Variants in CHSY3 observed in about 807,000 individuals in gnomAD.
CHSY3 encodes the protein chondroitin sulfate synthase 3.
CHSY3 carries 35 observed loss-of-function variants against 67.2 expected under a neutral mutation model. The observed-to-expected ratio is 0.52, with a 90% CI of 0.40 to 0.69. CHSY3 has a LOEUF of 0.69. Among genes scored for constraint, CHSY3 ranks in the 30% least tolerant of loss-of-function variants. The probability of loss-of-function intolerance (pLI) is 0.00; values close to 1 mark genes in which losing one functional copy is unlikely to be tolerated. For synonymous variants in CHSY3, 474 were observed against 434.7 expected, an observed-to-expected ratio of 1.09 and a Z score of -1.12; for missense variants, 1,069 against 1,138.5, an observed-to-expected ratio of 0.94 and a Z score of 0.88.
At chr5:130,010,720 A>C (rs1764030226) in intron 2 of CHSY3, among the ~76,000 whole-genome samples, 1 of 152,176 alleles carries the variant, frequency 6.6e-6, no homozygotes, top group Admixed American at 6.5e-5. Context: ...AGAATATATA[A>C]GATTGATAGA....
chr5:130,158,783 A>AT (rs1010994919), intron 2 of CHSY3, among the ~76,000 whole-genome samples: 6 of 151,844 alleles, frequency 4.0e-5, no homozygotes, highest in African/African-American at 9.7e-5. Flanking sequence ...GGGAATTTCC[A>AT]TTTTTTTTAT....
At chr5:130,084,371 T>A (rs568762237) in intron 2 of CHSY3, among the ~76,000 whole-genome samples, 1 of 151,948 alleles carries the variant, frequency 6.6e-6, no homozygotes, top group African/African-American at 2.4e-5. Context: ...TGCAATTAGC[T>A]TGATTTGATC....
At chr5:129,924,777 A>G (rs1184847185) in intron 2 of CHSY3, among the ~76,000 whole-genome samples, 1 of 152,012 alleles carries the variant, frequency 6.6e-6, no homozygotes, top group South Asian at 2.1e-4. Context: ...GTTTTAAGAG[A>G]AGTGCATGCA....
intron 2 of CHSY3, among the ~76,000 whole-genome samples, chr5:129,959,093 A>T (rs4443454): frequency 0.32 from 49,018 of 151,840 alleles, 8,770 homozygotes; most frequent in Non-Finnish European, 0.42. Flanking sequence ...GAATTTGCAT[A>T]TTCATATATT....
At chr5:130,168,385 C>T (rs1769808082) in intron 2 of CHSY3, among the ~76,000 whole-genome samples, 1 of 152,066 alleles carries the variant, frequency 6.6e-6, no homozygotes, top group Non-Finnish European at 1.5e-5. Context: ...TTTCTCCCTG[C>T]TTGGATGACT....
chr5:130,077,186 A>G (rs1766294308), intron 2 of CHSY3, among the ~76,000 whole-genome samples: 1 of 152,118 alleles, frequency 6.6e-6, no homozygotes, highest in South Asian at 2.1e-4. Context: ...TGGAAGAGGC[A>G]TAAATGGTGC....
At position 130,185,467 on chromosome 5, in the gene CHSY3, G is replaced by C. The variant is rs1770390414; in HGVS notation, c.2325G>C (p.Trp775Cys). 1 of 1,613,980 alleles carries C rather than the reference G, an allele frequency of 6.2e-7. No individual in the cohort carries two copies. The highest frequency in any genetic ancestry group is 8.5e-7 in the Non-Finnish European group (1 of 1,179,980). Residue 775 changes from tryptophan to cysteine, a missense_variant, in exon 3 of 3, where the codon TGG becomes TGC. Transcript: ENST00000305031. ...YFIFSKKTGF[W>C]RDYGYGITCI... Reference sequence around the variant, plus strand: ...TATTCTCAAAAAAGACTGGATTTTGGAGAGACTATGGATATGGCATCACCT... The same window carrying C: ...TATTCTCAAAAAAGACTGGATTTTGCAGAGACTATGGATATGGCATCACCT...
intron 2 of CHSY3, among the ~76,000 whole-genome samples, chr5:130,180,477 TCCAAAAGTTAC>T (rs1770211362): frequency 6.6e-6 from 1 of 152,180 alleles, no homozygotes; most frequent in Non-Finnish European, 1.5e-5. Flanking sequence ...TTTCCATTGC[TCCAAAAGTTAC>T]CTTGTGCCTA....
intron 2 of CHSY3, among the ~76,000 whole-genome samples, chr5:130,061,689 A>T (rs939631053): frequency 1.3e-5 from 2 of 152,144 alleles, no homozygotes; most frequent in Non-Finnish European, 2.9e-5. Flanking sequence ...ATTTATAAGG[A>T]ACTCAGACAA....
chr5:130,128,561 A>T (rs1304816359), intron 2 of CHSY3, among the ~76,000 whole-genome samples: 1 of 152,148 alleles, frequency 6.6e-6, no homozygotes, highest in Non-Finnish European at 1.5e-5. Flanking sequence ...AAACTTTATT[A>T]TGCAAGATAA....
At chr5:130,077,583 G>A (rs533755609) in intron 2 of CHSY3, among the ~76,000 whole-genome samples, 1 of 152,186 alleles carries the variant, frequency 6.6e-6, no homozygotes, top group South Asian at 2.1e-4. Flanking sequence ...GCAAGCTAAC[G>A]AGGAAGAAGA....
intron 2 of CHSY3, among the ~76,000 whole-genome samples, chr5:130,012,289 C>G (rs1383939401): frequency 6.6e-6 from 1 of 152,154 alleles, no homozygotes; most frequent in African/African-American, 2.4e-5. Flanking sequence ...ACAAATAAAG[C>G]TGCACACCTA....
intron 2 of CHSY3, among the ~76,000 whole-genome samples, chr5:130,050,510 A>C (rs1049171574): frequency 6.6e-6 from 1 of 152,084 alleles, no homozygotes; most frequent in African/African-American, 2.4e-5. Flanking sequence ...AGAAATAATA[A>C]TTTTGTCTAA....
intron 2 of CHSY3, among the ~76,000 whole-genome samples, chr5:130,054,046 T>C (rs980664550): frequency 6.6e-6 from 1 of 152,200 alleles, no homozygotes; most frequent in Non-Finnish European, 1.5e-5. Flanking sequence ...TATTTTCTTA[T>C]TCTTGGTTTC....
At chr5:129,997,705 T>A (rs1248714364) in intron 2 of CHSY3, among the ~76,000 whole-genome samples, 4 of 152,118 alleles carry the variant, frequency 2.6e-5, no homozygotes, top group Non-Finnish European at 5.9e-5. Flanking sequence ...TCCCGCCCTG[T>A]GTCCAAGTGT....
At chr5:130,024,532 G>T (rs1253645049) in intron 2 of CHSY3, among the ~76,000 whole-genome samples, 1 of 152,068 alleles carries the variant, frequency 6.6e-6, no homozygotes, top group African/African-American at 2.4e-5. Context: ...CTCTTTCATG[G>T]TGACATCTAA....
chr5:129,953,958 T>C (rs1252332998), intron 2 of CHSY3, among the ~76,000 whole-genome samples: 1 of 152,228 alleles, frequency 6.6e-6, no homozygotes, highest in African/African-American at 2.4e-5. Context: ...TACTTTCTTT[T>C]GCTGTGCAAA....
chr5:129,944,115 G>C (rs1017499972), intron 2 of CHSY3, among the ~76,000 whole-genome samples: 1 of 152,220 alleles, frequency 6.6e-6, no homozygotes, highest in Non-Finnish European at 1.5e-5. Context: ...ATCCCCTCCT[G>C]TGGCGCTTGG....
intron 2 of CHSY3, among the ~76,000 whole-genome samples, chr5:130,114,091 C>T (rs1019346772): frequency 6.6e-6 from 1 of 152,080 alleles, no homozygotes; most frequent in African/African-American, 2.4e-5. Context: ...GTTTTTATTA[C>T]ATTATTATTA....
Sources: allele counts gnomAD v4.1 joint callset (sites outside exome capture counted in the v4.1 genomes callset), GRCh38; gene constraint gnomAD v4.1.1; transcripts MANE v1.5; gene names NCBI Gene and HGNC (gene_info 2026-07-23, HGNC 2026-07-21).